SLIT3: variants seen among roughly 807,000 people sequenced by gnomAD.
The protein encoded by SLIT3 is slit guidance ligand 3.
Under a neutral mutation model 184.0 loss-of-function variants are expected in SLIT3, and 68 were observed. That is an observed-to-expected ratio of 0.37 (90% CI 0.30 to 0.45). The LOEUF is 0.45. Among genes scored for constraint, SLIT3 ranks in the 20% least tolerant of loss-of-function variants. SLIT3 has a pLI of 1.00. For missense variants in SLIT3, 1,707 were observed against 2,026.0 expected (o/e 0.84, Z 3.02); for synonymous variants, 831 against 828.6 (o/e 1.00, Z -0.05).
chr5:168,967,435 A>ATTT (rs556216624), intron 4 of SLIT3, among the ~76,000 whole-genome samples: 1 of 30,758 alleles, frequency 3.3e-5, no homozygotes, highest in African/African-American at 1.2e-4. Flanking sequence ...GCCATCTCAA[A>ATTT]TCTTTTTTTT....
At chr5:169,093,333 C>T (rs529747564) in intron 4 of SLIT3, among the ~76,000 whole-genome samples, 1 of 152,264 alleles carries the variant, frequency 6.6e-6, no homozygotes. Context: ...CCCAAAAGGT[C>T]CAGCAAAATT....
intron 2 of SLIT3, among the ~76,000 whole-genome samples, chr5:169,247,370 GT>G (rs1222867061): frequency 6.6e-6 from 1 of 152,124 alleles, no homozygotes; most frequent in African/African-American, 2.4e-5. Context: ...GCTGAGCTAA[GT>G]TTTTACTATC....
intron 9 of SLIT3, among the ~76,000 whole-genome samples, chr5:168,799,811 G>A (rs931662702): frequency 6.6e-6 from 1 of 152,184 alleles, no homozygotes; most frequent in African/African-American, 2.4e-5. Flanking sequence ...TATGAACCAA[G>A]TAGTATTATT....
At position 168,983,804 on chromosome 5, in the gene SLIT3, A is replaced by T. The variant is rs1434810895; in HGVS notation, c.414-100468T>A. ...TGATACGAGCAGAGAAATCACAGCA[A>T]ATTCTTCCTTTCTCAAAAGAACCAA... On this transcript the variant is annotated intron_variant, in intron 4 of 35. Coordinates refer to ENST00000519560, the MANE Select transcript of SLIT3 (RefSeq NM_003062.4). Among the ~76,000 whole-genome samples the T allele has an allele frequency of 2.0e-5, 3 of 152,348 alleles. No individual in the cohort carries two copies. The East Asian group carries it at 5.8e-4, about 29-fold the overall frequency.
chr5:168,956,963 T>G (rs1762847493), intron 4 of SLIT3, among the ~76,000 whole-genome samples: 1 of 150,324 alleles, frequency 6.7e-6, no homozygotes. Flanking sequence ...AGGCAGTGGC[T>G]CACACCTGTA....
At chr5:169,189,143 A>G (rs1763457554) in intron 4 of SLIT3, among the ~76,000 whole-genome samples, 1 of 152,166 alleles carries the variant, frequency 6.6e-6, no homozygotes, top group South Asian at 2.1e-4. Flanking sequence ...ACACAGAATA[A>G]GAGGACAGAC....
intron 16 of SLIT3, 122 bp from the exon 17 acceptor site, chr5:168,754,129 T>C: frequency 1.0e-6 from 1 of 979,754 alleles, no homozygotes; most frequent in Non-Finnish European, 1.5e-6. Flanking sequence ...GAGGACTGGA[T>C]GGTGGAAGGA....
At chr5:168,830,651 C>G (rs1024534321) in intron 6 of SLIT3, among the ~76,000 whole-genome samples, 1 of 152,170 alleles carries the variant, frequency 6.6e-6, no homozygotes, top group Non-Finnish European at 1.5e-5. Flanking sequence ...CATACATTAT[C>G]TCATTTAATT....
chr5:169,086,248 C>T (rs1031781145), intron 4 of SLIT3, among the ~76,000 whole-genome samples: 1 of 152,196 alleles, frequency 6.6e-6, no homozygotes, highest in African/African-American at 2.4e-5. Flanking sequence ...AGATGGCAAG[C>T]AGCAAGGATC....
intron 4 of SLIT3, among the ~76,000 whole-genome samples, chr5:168,930,459 T>C (rs1581220490): frequency 6.6e-6 from 1 of 152,314 alleles, no homozygotes; most frequent in Admixed American, 6.5e-5. Flanking sequence ...GAGTCTGCCA[T>C]TTCTAGCTGT....
intron 4 of SLIT3, among the ~76,000 whole-genome samples, chr5:169,086,999 C>T (rs576875997): frequency 6.6e-5 from 10 of 152,206 alleles, no homozygotes; most frequent in Admixed American, 2.6e-4. Context: ...TGCAAAGTGC[C>T]GTCCAAAAAC....
At chr5:168,878,033 A>G (rs1004725662) in intron 5 of SLIT3, among the ~76,000 whole-genome samples, 1 of 151,946 alleles carries the variant, frequency 6.6e-6, no homozygotes, top group Non-Finnish European at 1.5e-5. Context: ...GCCTTTGCCC[A>G]GTACCTAGCA....
intron 26 of SLIT3, chr5:168,707,744 C>T (rs1283716294): frequency 2.1e-6 from 1 of 475,442 alleles, no homozygotes. Context: ...CTCTTTCTCT[C>T]TGGACATCCT....
intron 5 of SLIT3, among the ~76,000 whole-genome samples, chr5:168,853,494 G>A (rs1250869256): frequency 2.6e-5 from 4 of 152,042 alleles, no homozygotes; most frequent in African/African-American, 7.2e-5. Flanking sequence ...GGCTCCCTGT[G>A]GCTCACATGA....
intron 5 of SLIT3, among the ~76,000 whole-genome samples, chr5:168,847,536 C>G (rs192065487): frequency 3.7e-4 from 57 of 152,268 alleles, no homozygotes; most frequent in Non-Finnish European, 6.3e-4. Context: ...GTAAAAAGCC[C>G]AATTAATTGT....
chr5:169,254,007 T>C (rs1765864194), intron 1 of SLIT3, among the ~76,000 whole-genome samples: 1 of 152,158 alleles, frequency 6.6e-6, no homozygotes, highest in African/African-American at 2.4e-5. Context: ...GCTGCCTGCC[T>C]CTGCCCACCT....
At chr5:168,752,891 G>A in intron 18 of SLIT3, 64 bp downstream of exon 18, 1 of 1,507,890 alleles carries the variant, frequency 6.6e-7, no homozygotes, top group South Asian at 1.2e-5. Context: ...CAGGGAGCTG[G>A]GAGGAGAGAG....
intron 4 of SLIT3, among the ~76,000 whole-genome samples, chr5:169,062,519 CCTCA>C (rs1427489017): frequency 3.9e-5 from 6 of 152,212 alleles, no homozygotes; most frequent in African/African-American, 1.4e-4. Context: ...CTTCCTCTGC[CCTCA>C]CTCACTGTGC....
intron 4 of SLIT3, among the ~76,000 whole-genome samples, chr5:169,086,801 G>A (rs1021957887): frequency 6.6e-6 from 1 of 152,142 alleles, no homozygotes; most frequent in Non-Finnish European, 1.5e-5. Flanking sequence ...GTGGACAAAG[G>A]TTTAGGCCCA....
Sources: allele counts gnomAD v4.1 joint callset (sites outside exome capture counted in the v4.1 genomes callset), GRCh38; gene constraint gnomAD v4.1.1; transcripts MANE v1.5; gene names NCBI Gene and HGNC (gene_info 2026-07-23, HGNC 2026-07-21).